Variants in RPA1 observed in about 807,000 individuals in gnomAD.
RPA1 encodes replication protein A1.
RPA1 carries 49 observed loss-of-function variants against 83.0 expected under a neutral mutation model. That is an observed-to-expected ratio of 0.59 (90% CI 0.47 to 0.75). RPA1 has a LOEUF of 0.75. RPA1 is among the 30% of genes least tolerant of loss of function. The pLI, the probability that RPA1 is intolerant of heterozygous loss-of-function variation, is 0.00. For synonymous variants in RPA1, 279 were observed against 281.8 expected, an observed-to-expected ratio of 0.99 and a Z score of 0.10; for missense variants, 693 against 776.1, an observed-to-expected ratio of 0.89 and a Z score of 1.27.
chr17:1,832,548 G>A (rs984138166), intron 1 of RPA1, among the ~76,000 whole-genome samples: 4 of 151,602 alleles, frequency 2.6e-5, no homozygotes, highest in Non-Finnish European at 5.9e-5. Flanking sequence ...CATGATGCCC[G>A]GCTAATTTTT....
At chr17:1,874,381 C>T (rs1913504782) in intron 6 of RPA1, among the ~76,000 whole-genome samples, 3 of 152,086 alleles carry the variant, frequency 2.0e-5, no homozygotes, top group Admixed American at 2.0e-4. Flanking sequence ...TGGTGCACAC[C>T]TATAGTCCCA....
At chr17:1,866,941 A>G (rs931768108) in intron 5 of RPA1, among the ~76,000 whole-genome samples, 21 of 152,224 alleles carry the variant, frequency 1.4e-4, no homozygotes, top group Non-Finnish European at 2.5e-4. Flanking sequence ...GTCTGTGTGC[A>G]CGTGCATGTA....
At chr17:1,876,017 C>CAT in intron 7 of RPA1, among the ~76,000 whole-genome samples, 1 of 151,830 alleles carries the variant, frequency 6.6e-6, no homozygotes, top group East Asian at 1.9e-4. Flanking sequence ...AGCAATCTGC[C>CAT]ATAGCCTGTG....
intron 8 of RPA1, among the ~76,000 whole-genome samples, chr17:1,878,061 T>C (rs1314821121): frequency 1.3e-5 from 2 of 152,066 alleles, no homozygotes; most frequent in Non-Finnish European, 2.9e-5. Context: ...TGAAACCCCG[T>C]TTATACTAAA....
At chr17:1,852,358 C>T (rs116243653) in intron 4 of RPA1, among the ~76,000 whole-genome samples, 180 of 152,310 alleles carry the variant, frequency 1.2e-3, no homozygotes, top group African/African-American at 4.2e-3. Context: ...CTGATCTCAA[C>T]TAGAGATTAA....
chr17:1,853,073 A>T (rs750791441), intron 4 of RPA1, 28 bp from the exon 5 acceptor site: 111 of 1,596,204 alleles, frequency 7.0e-5, no homozygotes, highest in Non-Finnish European at 8.2e-5. Flanking sequence ...TGTTTTTCTA[A>T]CCTGTTTCTG....
chr17:1,860,769 C>T (rs1305575790), intron 5 of RPA1, among the ~76,000 whole-genome samples: 1 of 152,158 alleles, frequency 6.6e-6, no homozygotes, highest in Non-Finnish European at 1.5e-5. Context: ...ATGCCTGGCC[C>T]TCGGACCGAA....
At position 1,880,768 on chromosome 17, in the gene RPA1, C is replaced by T. The variant is rs17338913; in HGVS notation, c.1241+77C>T. 3,585 of 1,571,112 alleles carry T rather than the reference C, an allele frequency of 2.3e-3. 78 individuals are homozygous for T. In the African/African-American group the frequency reaches 0.042, roughly 19 times the overall value. Reference sequence around the variant, plus strand: ...AAGCTGGTTACAATCAGCATGGGAGCTTTCTGCCAAGCAGAAGCCTTCGTC... The same window carrying T: ...AAGCTGGTTACAATCAGCATGGGAGTTTTCTGCCAAGCAGAAGCCTTCGTC... On this transcript the variant is annotated intron_variant, in intron 12 of 16. Transcript: ENST00000254719.
rs143003754 is a variant in RPA1 at position 1,893,923 on chromosome 17, C to T, written c.1660-1086C>T. Among the ~76,000 whole-genome samples the T allele has an allele frequency of 7.0e-3, 1,062 of 151,858 alleles. 9 individuals are homozygous for T. The highest frequency in any genetic ancestry group is 0.024 in the African/African-American group (997 of 41,396). ...ACCCATGTTGGAGCGCCGTGGTGTG[C>T]GATCATGGCTCACTGCAGCTTCAAA... is the stretch of plus-strand genomic sequence containing the variant. On this transcript the variant is annotated intron_variant, in intron 15 of 16. Coordinates refer to ENST00000254719, the MANE Select transcript of RPA1 (RefSeq NM_002945.5).
intron 5 of RPA1, among the ~76,000 whole-genome samples, chr17:1,862,642 C>T (rs1036303466): frequency 2.0e-5 from 3 of 150,376 alleles, no homozygotes; most frequent in Non-Finnish European, 4.4e-5. Flanking sequence ...TGGTCTCGAT[C>T]CCCTGACCTC....
chr17:1,894,493 C>T (rs746439531), intron 15 of RPA1, among the ~76,000 whole-genome samples: 4 of 152,110 alleles, frequency 2.6e-5, no homozygotes, highest in Admixed American at 1.3e-4. Flanking sequence ...TTCCTAAGAG[C>T]GTTTTTAATT....
At chr17:1,830,553 C>T (rs1567795483) in intron 1 of RPA1, 1 of 166,944 alleles carries the variant, frequency 6.0e-6, no homozygotes, top group Non-Finnish European at 1.3e-5. Context: ...CCAGTGGCCT[C>T]CAAGTTGCTA....
At chr17:1,855,094 G>A (rs1262031322) in intron 5 of RPA1, among the ~76,000 whole-genome samples, 2 of 152,108 alleles carry the variant, frequency 1.3e-5, no homozygotes, top group African/African-American at 4.8e-5. Context: ...TTTGTCAAAT[G>A]CATTTTCTGT....
chr17:1,836,676 T>C (rs1375016817), intron 1 of RPA1, among the ~76,000 whole-genome samples: 1 of 151,840 alleles, frequency 6.6e-6, no homozygotes, highest in East Asian at 1.9e-4. Context: ...GTTTTTTTTT[T>C]TTCCCCAGAG....
intron 1 of RPA1, among the ~76,000 whole-genome samples, chr17:1,832,267 GT>G (rs1911648046): frequency 6.6e-6 from 1 of 151,750 alleles, no homozygotes; most frequent in Non-Finnish European, 1.5e-5. Flanking sequence ...TGCCTGGGTG[GT>G]TCTTCACTCT....
chr17:1,879,380 G>A lies in RPA1; in HGVS notation c.925G>A (p.Glu309Lys), dbSNP rs756682353. 16 of 1,614,136 alleles carry A rather than the reference G, an allele frequency of 9.9e-6. No individual in the cohort carries two copies. The highest frequency in any genetic ancestry group is 9.9e-5 in the South Asian group (9 of 91,076). The change falls in exon 10 of 17, where the codon GAG (glutamate) becomes AAG (lysine). Residue 309 changes from glutamate (E) to lysine (K), a missense_variant. Transcript: ENST00000254719. ...QFDFTGIDDLENKSKDSLVDI... is the reference protein window; with the variant it reads ...QFDFTGIDDLKNKSKDSLVDI... ...TGATTTCACGGGGATTGATGACCTC[G>A]AGAACAAGTCGAAAGACTCACTTGT...
chr17:1,866,011 T>C (rs903486557), intron 5 of RPA1, among the ~76,000 whole-genome samples: 24 of 152,066 alleles, frequency 1.6e-4, no homozygotes, highest in Admixed American at 1.3e-3. Context: ...GAGGCCAAGC[T>C]TGGCAGATCG....
intron 4 of RPA1, among the ~76,000 whole-genome samples, chr17:1,852,854 G>C (rs16951698): frequency 0.2 from 31,074 of 152,018 alleles, 3,496 homozygotes; most frequent in East Asian, 0.41. Context: ...TTACCATGTC[G>C]GTTGGCTCCT....
intron 1 of RPA1, among the ~76,000 whole-genome samples, chr17:1,835,161 T>G (rs1441589312): frequency 1.3e-5 from 2 of 152,064 alleles, no homozygotes; most frequent in African/African-American, 2.4e-5. Context: ...GTAATTTTTT[T>G]TAAATGACAG....
Sources: allele counts gnomAD v4.1 joint callset (sites outside exome capture counted in the v4.1 genomes callset), GRCh38; gene constraint gnomAD v4.1.1; transcripts MANE v1.5; gene names NCBI Gene and HGNC (gene_info 2026-07-23, HGNC 2026-07-21).